SEMA3E: variants seen among roughly 807,000 people sequenced by gnomAD.
SEMA3E encodes the protein semaphorin-3E.
Under a neutral mutation model 93.6 loss-of-function variants are expected in SEMA3E, and 49 were observed. The ratio of observed to expected loss-of-function variants is 0.52; its 90% confidence interval spans 0.42 to 0.66. SEMA3E has a LOEUF of 0.66. SEMA3E is among the 30% of genes least tolerant of loss of function. The pLI, the probability that SEMA3E is intolerant of heterozygous loss-of-function variation, is 0.00. For missense variants in SEMA3E, 906 were observed against 964.8 expected (o/e 0.94, Z 0.81); for synonymous variants, 363 against 330.7 (o/e 1.10, Z -1.06).
At chr7:83,484,551 C>T (rs1220569005) in intron 2 of SEMA3E, among the ~76,000 whole-genome samples, 4 of 152,090 alleles carry the variant, frequency 2.6e-5, no homozygotes, top group African/African-American at 7.2e-5. Context: ...TGTAACTAGT[C>T]AAAACTGGTC....
chr7:83,555,986 A>G (rs1394086183), intron 1 of SEMA3E, among the ~76,000 whole-genome samples: 1 of 152,186 alleles, frequency 6.6e-6, no homozygotes, highest in African/African-American at 2.4e-5. Context: ...TTTTTGCTCC[A>G]TATAATTGCC....
At chr7:83,486,267 G>T (rs1790252421) in intron 2 of SEMA3E, among the ~76,000 whole-genome samples, 1 of 152,082 alleles carries the variant, frequency 6.6e-6, no homozygotes, top group South Asian at 2.1e-4. Flanking sequence ...ACTGTGGAGA[G>T]GGTGCTACTG....
intron 14 of SEMA3E, among the ~76,000 whole-genome samples, chr7:83,392,018 T>G (rs1183161003): frequency 6.6e-6 from 1 of 152,196 alleles, no homozygotes; most frequent in Non-Finnish European, 1.5e-5. Context: ...TCAAGATCTC[T>G]GCTTAAAGAA....
chr7:83,513,105 G>T (rs1169067302), intron 1 of SEMA3E, among the ~76,000 whole-genome samples: 4 of 152,102 alleles, frequency 2.6e-5, no homozygotes, highest in Non-Finnish European at 5.9e-5. Flanking sequence ...ATTCATATTT[G>T]GTTGTTCCAG....
chr7:83,626,563 C>A (rs146324380), intron 1 of SEMA3E, among the ~76,000 whole-genome samples: 1 of 152,052 alleles, frequency 6.6e-6, no homozygotes, highest in Non-Finnish European at 1.5e-5. Flanking sequence ...TCCCCTTTAT[C>A]GTTTTTTATC....
intron 1 of SEMA3E, among the ~76,000 whole-genome samples, chr7:83,642,102 T>G (rs1237425844): frequency 6.6e-6 from 1 of 152,180 alleles, no homozygotes; most frequent in Non-Finnish European, 1.5e-5. Flanking sequence ...AACTAGCTGC[T>G]ATGTTTCCTA....
intron 4 of SEMA3E, among the ~76,000 whole-genome samples, chr7:83,449,433 G>A (rs915399579): frequency 5.9e-5 from 9 of 151,636 alleles, no homozygotes; most frequent in Admixed American, 3.3e-4. Context: ...AATATTTTAT[G>A]CTTAAAATAT....
chr7:83,405,369 A>C, intron 9 of SEMA3E, 81 bp downstream of exon 9: 3 of 1,006,102 alleles, frequency 3.0e-6, no homozygotes, highest in South Asian at 2.6e-5. Context: ...TAGTCTTTCA[A>C]CTTATATACA....
chr7:83,392,790 T>C (rs1788044250), intron 13 of SEMA3E, 69 bp from the exon 14 acceptor site: 1 of 1,391,482 alleles, frequency 7.2e-7, no homozygotes, highest in Non-Finnish European at 1.0e-6. Context: ...ACACCTAGTT[T>C]TCACATTTAT....
At chr7:83,487,845 A>G (rs1265760115) in intron 2 of SEMA3E, among the ~76,000 whole-genome samples, 1 of 152,058 alleles carries the variant, frequency 6.6e-6, no homozygotes, top group Non-Finnish European at 1.5e-5. Flanking sequence ...GAAATGCAAT[A>G]TTTGCTTCTA....
At chr7:83,391,567 C>T (rs146029883) in intron 14 of SEMA3E, among the ~76,000 whole-genome samples, 9 of 151,538 alleles carry the variant, frequency 5.9e-5, no homozygotes, top group Non-Finnish European at 8.8e-5. Context: ...AATGTCCTCT[C>T]GAAGCATAAT....
intron 1 of SEMA3E, among the ~76,000 whole-genome samples, chr7:83,643,937 A>T (rs973525961): frequency 1.1e-4 from 17 of 151,906 alleles, no homozygotes; most frequent in Non-Finnish European, 2.4e-4. Flanking sequence ...TAATGTCACT[A>T]TTGATAATAC....
intron 1 of SEMA3E, among the ~76,000 whole-genome samples, chr7:83,520,895 C>T (rs973560088): frequency 6.6e-6 from 1 of 152,178 alleles, no homozygotes; most frequent in African/African-American, 2.4e-5. Context: ...GCATTGCTGG[C>T]TGGCTCCCAA....
At chr7:83,498,501 A>G (rs1335148355) in intron 1 of SEMA3E, among the ~76,000 whole-genome samples, 1 of 133,376 alleles carries the variant, frequency 7.5e-6, no homozygotes, top group African/African-American at 2.6e-5. Context: ...TTTTTTTGAA[A>G]CAGAGTCACT....
chr7:83,485,589 C>T lies in SEMA3E; in HGVS notation c.276+4525G>A, dbSNP rs150985716. 6.8e-4 allele frequency among the ~76,000 whole-genome samples: 104 copies of T among 151,986 alleles called. 1 individual carries two copies. Among genetic ancestry groups the T allele is most frequent in the African/African-American group, 2.3e-3 (95 of 41,460 alleles). Reference sequence around the variant, plus strand: ...ATCCCGGAAGAATGCAACACACCATCGTATATGATTTTTACATAGCCCAAA... The same window carrying T: ...ATCCCGGAAGAATGCAACACACCATTGTATATGATTTTTACATAGCCCAAA... On this transcript the variant is annotated intron_variant, in intron 2 of 16. Transcript: ENST00000643230.
intron 1 of SEMA3E, among the ~76,000 whole-genome samples, chr7:83,541,738 G>GTCA (rs1440094339): frequency 3.3e-5 from 5 of 152,146 alleles, no homozygotes; most frequent in African/African-American, 4.8e-5. Flanking sequence ...TTCAGAGAAA[G>GTCA]TGAAAGAGGA....
intron 1 of SEMA3E, among the ~76,000 whole-genome samples, chr7:83,545,825 A>T (rs1276387595): frequency 4.8e-5 from 7 of 147,186 alleles, no homozygotes; most frequent in Non-Finnish European, 8.9e-5. Flanking sequence ...TTATATATAT[A>T]TATAATATAT....
intron 1 of SEMA3E, among the ~76,000 whole-genome samples, chr7:83,610,259 T>A (rs2115578821): frequency 6.6e-6 from 1 of 152,214 alleles, no homozygotes; most frequent in Non-Finnish European, 1.5e-5. Context: ...TAATTTCTGA[T>A]ATAATGAATA....
At chr7:83,435,608 T>C (rs1258916303) in intron 4 of SEMA3E, among the ~76,000 whole-genome samples, 1 of 151,670 alleles carries the variant, frequency 6.6e-6, no homozygotes, top group African/African-American at 2.4e-5. Context: ...AAAAATAAAA[T>C]AAATAAAGAA....
Sources: gnomAD v4.1 joint callset for allele counts (sites outside exome capture counted in the v4.1 genomes callset) on GRCh38, gnomAD v4.1.1 for gene constraint, MANE v1.5 for transcripts, NCBI Gene and HGNC (gene_info 2026-07-23, HGNC 2026-07-21) for gene names.